PDS5A: variants seen among roughly 807,000 people sequenced by gnomAD.
The protein encoded by PDS5A is PDS5 cohesin associated factor A.
In PDS5A, 42 loss-of-function variants were observed where a neutral mutation model predicts 167.1. The ratio of observed to expected loss-of-function variants is 0.25; its 90% CI spans 0.20 to 0.33. The LOEUF (loss-of-function observed/expected upper bound fraction) is 0.33, where lower values mean the gene tolerates loss of function less well. Ranked by LOEUF, PDS5A falls within the 10% of genes least tolerant of loss-of-function variation. The pLI is 1.00. For missense variants in PDS5A, 1,033 were observed against 1,605.9 expected (o/e 0.64, Z 6.10); for synonymous variants, 553 against 554.6 (o/e 1.00, Z 0.04).
At chr4:39,911,967 ATTT>A (rs1462879317) in intron 9 of PDS5A, among the ~76,000 whole-genome samples, 5 of 152,296 alleles carry the variant, frequency 3.3e-5, no homozygotes, top group Non-Finnish European at 7.4e-5. Flanking sequence ...AGCTGGAAGT[ATTT>A]TTATTTTTGA....
At chr4:39,918,628 C>T (rs1308645732) in intron 7 of PDS5A, among the ~76,000 whole-genome samples, 5 of 152,006 alleles carry the variant, frequency 3.3e-5, no homozygotes, top group South Asian at 2.1e-4. Context: ...CTGGGGCAGG[C>T]GGATTACCTG....
intron 2 of PDS5A, among the ~76,000 whole-genome samples, chr4:39,952,816 C>T (rs1252888757): frequency 2.7e-5 from 4 of 150,454 alleles, no homozygotes. Context: ...GCAACCTCTG[C>T]CTCCCGGGTT....
chr4:39,829,779 G>A (rs536315436), intron 32 of PDS5A, among the ~76,000 whole-genome samples: 2 of 151,612 alleles, frequency 1.3e-5, no homozygotes, highest in Non-Finnish European at 1.5e-5. Context: ...GTGAAACCCT[G>A]TCTCCACTAA....
intron 21 of PDS5A, chr4:39,872,746 C>CTT (rs1460849781): frequency 3.5e-6 from 1 of 289,762 alleles, no homozygotes; most frequent in Non-Finnish European, 6.3e-6. Flanking sequence ...TTATATGTAA[C>CTT]TTTCATGATT....
chr4:39,927,950 G>C lies in PDS5A; in HGVS notation c.342+11C>G, dbSNP rs1410044587. On this transcript the variant is annotated intron_variant, in intron 3 of 32. Coordinates refer to ENST00000303538, the MANE Select transcript of PDS5A (RefSeq NM_001100399.2). ...TGAAAAATACAATAAAGTGAAAAAG[G>C]CTGTATTTACCTTAAGTTTATCATG... 6.3e-7 allele frequency: 1 copy of C among 1,576,442 alleles called. No homozygotes were observed. The highest frequency in any genetic ancestry group is 1.1e-5 in the South Asian group (1 of 90,196).
Position 39,825,322 on chromosome 4 carries a change from C to CA in PDS5A, c.*162dup, listed in dbSNP as rs1715195420. 1 of 493,080 alleles carries CA rather than the reference C, an allele frequency of 2.0e-6. No individual in the cohort carries two copies. Among genetic ancestry groups the CA allele is most frequent in the African/African-American group, 2.0e-5 (1 of 50,314 alleles). 30.5% of individuals were successfully genotyped at this position (493,080 alleles called of 1,614,324 possible). ...ACATTTCCATCAGAGGACTTGTGGT[C>CA]ATGTGAAAAGGAAGTAATAGTCTCT... On this transcript the variant is annotated 3_prime_UTR_variant, in exon 33 of 33. Coordinates refer to ENST00000303538, the MANE Select transcript of PDS5A (RefSeq NM_001100399.2).
intron 2 of PDS5A, among the ~76,000 whole-genome samples, chr4:39,967,076 G>T (rs1730041280): frequency 6.6e-6 from 1 of 152,006 alleles, no homozygotes; most frequent in East Asian, 1.9e-4. Flanking sequence ...AGGCCGAGGT[G>T]GGTGGATCAC....
At chr4:39,975,339 G>T (rs1210957490) in intron 2 of PDS5A, among the ~76,000 whole-genome samples, 7 of 152,064 alleles carry the variant, frequency 4.6e-5, no homozygotes, top group Non-Finnish European at 2.9e-5. Flanking sequence ...TAAACCACAG[G>T]AATATTTTAA....
chr4:39,956,677 C>CT (rs140722150), intron 2 of PDS5A, among the ~76,000 whole-genome samples: 7,423 of 145,188 alleles, frequency 0.051, 282 homozygotes, highest in East Asian at 0.23. Flanking sequence ...GATTTTCTTA[C>CT]TTTTTTTTTT....
At chr4:39,855,745 A>G (rs1002645387) in intron 26 of PDS5A, among the ~76,000 whole-genome samples, 40 of 152,352 alleles carry the variant, frequency 2.6e-4, no homozygotes, top group African/African-American at 9.1e-4. Context: ...GCAGGCAGAA[A>G]AAAGATTCAG....
At chr4:39,972,981 T>G in intron 2 of PDS5A, 1 of 391,922 alleles carries the variant, frequency 2.6e-6, no homozygotes, top group Non-Finnish European at 4.8e-6. Context: ...GACCTGGCAT[T>G]TGCTCGGTAC....
At chr4:39,837,786 G>C in intron 32 of PDS5A, 70 bp downstream of exon 32, 1 of 1,135,666 alleles carries the variant, frequency 8.8e-7, no homozygotes, top group East Asian at 2.4e-5. Flanking sequence ...GGGGTGACTG[G>C]CACTAAGAAT....
chr4:39,837,632 C>A (rs1051028534), intron 32 of PDS5A: 1 of 473,454 alleles, frequency 2.1e-6, no homozygotes, highest in Admixed American at 3.8e-5. Context: ...AATACCATAT[C>A]CTAAATAAAA....
At chr4:39,859,651 G>C (rs1389669596) in intron 26 of PDS5A, among the ~76,000 whole-genome samples, 2 of 152,150 alleles carry the variant, frequency 1.3e-5, no homozygotes, top group Non-Finnish European at 2.9e-5. Context: ...ATTTCAGAGT[G>C]CACCACCCTG....
chr4:39,973,274 G>A (rs575593954), intron 2 of PDS5A: 2 of 1,578,964 alleles, frequency 1.3e-6, no homozygotes, highest in East Asian at 2.3e-5. Context: ...TTTTGCTCTT[G>A]AGGGGCAGAT....
chr4:39,924,746 T>C (rs1006213053), intron 5 of PDS5A, among the ~76,000 whole-genome samples: 1 of 152,232 alleles, frequency 6.6e-6, no homozygotes, highest in Non-Finnish European at 1.5e-5. Flanking sequence ...CTAGAAAACT[T>C]ATGTGAGGTA....
intron 9 of PDS5A, among the ~76,000 whole-genome samples, chr4:39,912,225 T>C (rs1232318835): frequency 6.6e-6 from 1 of 152,248 alleles, no homozygotes; most frequent in Non-Finnish European, 1.5e-5. Flanking sequence ...CTTGTTTCTA[T>C]GAATCAGAGA....
intron 13 of PDS5A, among the ~76,000 whole-genome samples, chr4:39,902,058 G>C (rs1213675610): frequency 6.6e-6 from 1 of 152,084 alleles, no homozygotes; most frequent in South Asian, 2.1e-4. Flanking sequence ...TATTTAGTCT[G>C]GAAGGATAAA....
chr4:39,903,936 GAAGT>G (rs1471732972), intron 12 of PDS5A, 100 bp downstream of exon 12: 10 of 549,098 alleles, frequency 1.8e-5, no homozygotes, highest in Non-Finnish European at 3.0e-5. Flanking sequence ...TTTTATTTAT[GAAGT>G]AAATACATAA....
Sources: gnomAD v4.1 joint callset for allele counts (sites outside exome capture counted in the v4.1 genomes callset) on GRCh38, gnomAD v4.1.1 for gene constraint, MANE v1.5 for transcripts, NCBI Gene and HGNC (gene_info 2026-07-23, HGNC 2026-07-21) for gene names.